The following RALYL variants were observed in gnomAD, a reference collection of about 807,000 sequenced individuals.
RALYL encodes RNA-binding Raly-like protein.
RALYL carries 29 observed loss-of-function variants against 35.1 expected under a neutral mutation model. That is an observed-to-expected ratio of 0.83 (90% CI 0.61 to 1.13). The LOEUF (loss-of-function observed/expected upper bound fraction) is 1.13, where lower values mean the gene tolerates loss of function less well. RALYL is among the 50% of genes most tolerant of loss of function. The probability of loss-of-function intolerance (pLI) is 0.00; values close to 1 mark genes in which losing one functional copy is unlikely to be tolerated. For missense variants in RALYL, 359 were observed against 360.4 expected (o/e 1.00, Z 0.03); for synonymous variants, 120 against 127.6 (o/e 0.94, Z 0.40).
intron 4 of RALYL, among the ~76,000 whole-genome samples, chr8:84,844,669 T>C (rs1190187814): frequency 1.3e-5 from 2 of 152,124 alleles, no homozygotes; most frequent in Non-Finnish European, 2.9e-5. Flanking sequence ...CACATGCACA[T>C]GTATGTTTAT....
chr8:84,325,365 C>T (rs5009139), intron 1 of RALYL, among the ~76,000 whole-genome samples: 7,213 of 152,264 alleles, frequency 0.047, 265 homozygotes, highest in African/African-American at 0.083. Context: ...ACACCCTCTG[C>T]TATGACTGTA....
intron 1 of RALYL, among the ~76,000 whole-genome samples, chr8:84,191,991 A>T (rs192860741): frequency 4.2e-4 from 64 of 152,348 alleles, no homozygotes; most frequent in African/African-American, 1.5e-3. Flanking sequence ...TTGATGAATA[A>T]CATATTCTCA....
At chr8:84,719,079 G>T (rs889465246) in intron 2 of RALYL, among the ~76,000 whole-genome samples, 1 of 152,078 alleles carries the variant, frequency 6.6e-6, no homozygotes, top group African/African-American at 2.4e-5. Flanking sequence ...GCTGCTGGTG[G>T]CTGGTAGAGT....
At chr8:84,912,813 C>A (rs189127504) in intron 8 of RALYL, among the ~76,000 whole-genome samples, 8 of 152,162 alleles carry the variant, frequency 5.3e-5, no homozygotes, top group Non-Finnish European at 8.8e-5. Context: ...ATGTGACCCT[C>A]AGGTAAGTGC....
At chr8:84,919,563 A>G (rs957497599) in intron 8 of RALYL, among the ~76,000 whole-genome samples, 1 of 152,028 alleles carries the variant, frequency 6.6e-6, no homozygotes, top group African/African-American at 2.4e-5. Flanking sequence ...TAAAGCTTTC[A>G]TTTTTCAAAA....
At chr8:84,287,992 C>A (rs1837991534) in intron 1 of RALYL, among the ~76,000 whole-genome samples, 1 of 152,006 alleles carries the variant, frequency 6.6e-6, no homozygotes, top group Admixed American at 6.6e-5. Flanking sequence ...AAAGAAAGAA[C>A]TATAAGTATT....
intron 1 of RALYL, among the ~76,000 whole-genome samples, chr8:84,496,046 A>T (rs946166108): frequency 6.6e-6 from 1 of 152,134 alleles, no homozygotes; most frequent in Admixed American, 6.6e-5. Flanking sequence ...AGCACTATGC[A>T]TTATACAGGT....
chr8:84,343,757 G>A (rs1439058644), intron 1 of RALYL, among the ~76,000 whole-genome samples: 1 of 151,762 alleles, frequency 6.6e-6, no homozygotes, highest in African/African-American at 2.4e-5. Flanking sequence ...AGCCTCCCAA[G>A]TAGCTGGGAC....
chr8:84,265,003 G>C (rs1265537563), intron 1 of RALYL, among the ~76,000 whole-genome samples: 1 of 152,210 alleles, frequency 6.6e-6, no homozygotes, highest in Non-Finnish European at 1.5e-5. Context: ...CTAATGACTA[G>C]TCTGATGTGT....
chr8:84,609,475 C>G (rs1588485178), intron 2 of RALYL, among the ~76,000 whole-genome samples: 1 of 152,078 alleles, frequency 6.6e-6, no homozygotes, highest in Non-Finnish European at 1.5e-5. Flanking sequence ...AAACTCAAAT[C>G]CTTTAGTCAC....
chr8:84,540,519 A>T (rs910018252), intron 2 of RALYL, among the ~76,000 whole-genome samples: 5 of 151,784 alleles, frequency 3.3e-5, no homozygotes, highest in African/African-American at 1.2e-4. Flanking sequence ...TTTGATTGTG[A>T]AATCAGTCTC....
intron 1 of RALYL, among the ~76,000 whole-genome samples, chr8:84,205,939 C>T (rs1047647172): frequency 1.8e-4 from 28 of 152,140 alleles, no homozygotes; most frequent in Non-Finnish European, 4.1e-4. Flanking sequence ...CAGATGGCCA[C>T]ATTTTTGTTG....
chr8:84,882,122 G>A (rs1044772005), intron 7 of RALYL, among the ~76,000 whole-genome samples: 3 of 151,912 alleles, frequency 2.0e-5, no homozygotes, highest in Non-Finnish European at 4.4e-5. Flanking sequence ...GTTTCTTTTT[G>A]TAATCCATAA....
chr8:84,275,251 T>G (rs1203927803), intron 1 of RALYL, among the ~76,000 whole-genome samples: 1 of 152,074 alleles, frequency 6.6e-6, no homozygotes, highest in African/African-American at 2.4e-5. Context: ...AGCTTGCTAT[T>G]TTTTGAGTAT....
chr8:84,201,431 G>C (rs1816812706), intron 1 of RALYL, among the ~76,000 whole-genome samples: 1 of 152,104 alleles, frequency 6.6e-6, no homozygotes, highest in Admixed American at 6.5e-5. Context: ...TGTATGTAAG[G>C]GTAATATAAC....
intron 8 of RALYL, among the ~76,000 whole-genome samples, chr8:84,906,432 T>A (rs73261909): frequency 0.049 from 7,449 of 152,216 alleles, 641 homozygotes; most frequent in African/African-American, 0.17. Flanking sequence ...AAGAAAGTCA[T>A]TAACAGCAGT....
At position 84,432,981 on chromosome 8, in the gene RALYL, A is replaced by G. The variant is rs12676313; in HGVS notation, c.-23-96318A>G. Among the ~76,000 whole-genome samples the G allele has an allele frequency of 1.4e-4, 21 of 152,214 alleles. No individual in the cohort carries two copies. The East Asian group carries it at 3.9e-3, about 28-fold the overall frequency. ...TTGTTATGGAAACTCTTACACACAT[A>G]CATATATATATGTATATTTAATAGA... On this transcript the variant is annotated intron_variant, in intron 1 of 8. Coordinates refer to ENST00000521268, the MANE Select transcript of RALYL (RefSeq NM_173848.7).
intron 1 of RALYL, among the ~76,000 whole-genome samples, chr8:84,221,683 C>T (rs943373147): frequency 1.6e-4 from 24 of 151,954 alleles, no homozygotes; most frequent in Non-Finnish European, 1.6e-4. Flanking sequence ...TAGGAGTCCA[C>T]GTGATATAAA....
chr8:84,766,273 T>A (rs1396367290), intron 2 of RALYL, among the ~76,000 whole-genome samples: 1 of 152,130 alleles, frequency 6.6e-6, no homozygotes, highest in East Asian at 1.9e-4. Context: ...TGTAAGAACA[T>A]TTGAGTTAAA....
Sources: allele counts gnomAD v4.1 joint callset (sites outside exome capture counted in the v4.1 genomes callset), GRCh38; gene constraint gnomAD v4.1.1; transcripts MANE v1.5; gene names NCBI Gene and HGNC (gene_info 2026-07-23, HGNC 2026-07-21).